The following LRRC4C variants were observed in gnomAD, a reference collection of about 807,000 sequenced individuals.
LRRC4C encodes the protein leucine rich repeat containing 4C, also known as leucine-rich repeat-containing protein 4C.
A neutral mutation model predicts 33.6 loss-of-function variants in LRRC4C; 5 were observed. That is an observed-to-expected ratio of 0.15 (90% CI 0.08 to 0.31). The LOEUF (loss-of-function observed/expected upper bound fraction) is 0.31, where lower values mean the gene tolerates loss of function less well. Among genes scored for constraint, LRRC4C ranks in the 10% least tolerant of loss-of-function variants. The pLI, the probability that LRRC4C is intolerant of heterozygous loss-of-function variation, is 1.00. For missense variants in LRRC4C, 560 were observed against 796.7 expected (o/e 0.70, Z 3.58); for synonymous variants, 329 against 302.0 (o/e 1.09, Z -0.93).
intron 3 of LRRC4C, among the ~76,000 whole-genome samples, chr11:40,585,892 T>C (rs1270932718): frequency 7.3e-6 from 1 of 136,634 alleles, no homozygotes; most frequent in Non-Finnish European, 1.6e-5. Context: ...TTTGGGTTGG[T>C]TCCAAGTCTT....
intron 2 of LRRC4C, among the ~76,000 whole-genome samples, chr11:40,770,354 A>C (rs1477953355): frequency 6.6e-6 from 1 of 152,148 alleles, no homozygotes; most frequent in Non-Finnish European, 1.5e-5. Flanking sequence ...TAATAACAGC[A>C]TGGGGGAACT....
intron 6 of LRRC4C, among the ~76,000 whole-genome samples, chr11:40,122,339 C>T (rs1171719424): frequency 1.3e-5 from 2 of 152,042 alleles, no homozygotes; most frequent in Non-Finnish European, 2.9e-5. Flanking sequence ...TGGTTTGCTA[C>T]ACCTATCAAC....
At chr11:40,710,214 A>T (rs1409346767) in intron 2 of LRRC4C, among the ~76,000 whole-genome samples, 1 of 152,176 alleles carries the variant, frequency 6.6e-6, no homozygotes, top group Non-Finnish European at 1.5e-5. Context: ...GTCATTCTCC[A>T]TCCTGCTTTG....
chr11:40,452,056 G>A (rs142719279), intron 3 of LRRC4C, among the ~76,000 whole-genome samples: 16 of 152,086 alleles, frequency 1.1e-4, no homozygotes, highest in Admixed American at 3.3e-4. Flanking sequence ...CAAGGAAAGC[G>A]GTGACAGACA....
chr11:40,305,854 C>T lies in LRRC4C; in HGVS notation c.-176+13774G>A, dbSNP rs75582462. On this transcript the variant is annotated intron_variant, in intron 4 of 6. Transcript: ENST00000528697. Reference sequence around the variant, plus strand: ...TGAAGTAATGCAGAAGAATAGTTAGCACAGTTGCTGGCATCCAATAAGCAC... The same window carrying T: ...TGAAGTAATGCAGAAGAATAGTTAGTACAGTTGCTGGCATCCAATAAGCAC... Among the ~76,000 whole-genome samples the T allele has an allele frequency of 2.9e-3, 435 of 152,296 alleles. 3 individuals carry two copies. Among genetic ancestry groups the T allele is most frequent in the African/African-American group, 1.0e-2 (414 of 41,560 alleles).
chr11:41,020,328 T>C (rs889454919), intron 1 of LRRC4C, among the ~76,000 whole-genome samples: 30 of 152,140 alleles, frequency 2.0e-4, no homozygotes, highest in Non-Finnish European at 5.9e-5. Flanking sequence ...AAAGCTAAGC[T>C]AAAGCACTAA....
intron 2 of LRRC4C, among the ~76,000 whole-genome samples, chr11:40,820,501 A>G (rs913411146): frequency 1.1e-4 from 17 of 152,050 alleles, no homozygotes; most frequent in African/African-American, 4.8e-5. Context: ...CATTACATTC[A>G]TTATAAAGTG....
At chr11:40,302,257 T>C (rs1944810904) in intron 4 of LRRC4C, among the ~76,000 whole-genome samples, 1 of 152,216 alleles carries the variant, frequency 6.6e-6, no homozygotes, top group African/African-American at 2.4e-5. Context: ...AAAGGATTTC[T>C]AGTGAAATTT....
chr11:40,564,021 C>T (rs1957657788), intron 3 of LRRC4C, among the ~76,000 whole-genome samples: 1 of 152,090 alleles, frequency 6.6e-6, no homozygotes. Context: ...AGATTACAAC[C>T]CAAAGAAGCT....
At chr11:41,079,354 T>C (rs1939390981) in intron 1 of LRRC4C, among the ~76,000 whole-genome samples, 1 of 152,152 alleles carries the variant, frequency 6.6e-6, no homozygotes, top group Non-Finnish European at 1.5e-5. Flanking sequence ...AAGGCATGAA[T>C]ACAAAAGTCC....
At chr11:40,909,315 T>A (rs1956563372) in intron 2 of LRRC4C, among the ~76,000 whole-genome samples, 1 of 152,080 alleles carries the variant, frequency 6.6e-6, no homozygotes, top group African/African-American at 2.4e-5. Flanking sequence ...TTGACTAAAT[T>A]TGCCCTAGTA....
chr11:40,661,316 G>A (rs1019912505), intron 2 of LRRC4C, among the ~76,000 whole-genome samples: 6 of 152,032 alleles, frequency 3.9e-5, no homozygotes, highest in African/African-American at 1.2e-4. Flanking sequence ...TTATATTATT[G>A]TATTTAGCTG....
chr11:40,450,264 T>C (rs1039608806), intron 3 of LRRC4C, among the ~76,000 whole-genome samples: 7 of 152,186 alleles, frequency 4.6e-5, no homozygotes, highest in African/African-American at 1.4e-4. Context: ...AAGTTATTGA[T>C]GTAAACAGAC....
intron 3 of LRRC4C, among the ~76,000 whole-genome samples, chr11:40,560,034 T>C (rs1304458721): frequency 6.6e-6 from 1 of 152,148 alleles, no homozygotes; most frequent in Non-Finnish European, 1.5e-5. Context: ...CTGAGTCACA[T>C]CCCCAGTTAA....
intron 4 of LRRC4C, among the ~76,000 whole-genome samples, chr11:40,274,414 G>GACACACACACACAC (rs758404396): frequency 4.3e-4 from 27 of 63,156 alleles, no homozygotes; most frequent in Admixed American, 6.4e-4. Flanking sequence ...CTGCGGAATA[G>GACACACACACACAC]ACACACACAT....
At chr11:40,322,742 G>A (rs960331452) in intron 3 of LRRC4C, among the ~76,000 whole-genome samples, 2 of 152,070 alleles carry the variant, frequency 1.3e-5, no homozygotes, top group Non-Finnish European at 2.9e-5. Context: ...ATAATGAGAG[G>A]TCCATCCCTT....
intron 5 of LRRC4C, among the ~76,000 whole-genome samples, chr11:40,196,352 C>G (rs1862260039): frequency 6.6e-6 from 1 of 152,176 alleles, no homozygotes; most frequent in South Asian, 2.1e-4. Context: ...GCCAGGTGAA[C>G]AGCAAAGGAA....
At chr11:40,338,891 A>G (rs1199492653) in intron 3 of LRRC4C, among the ~76,000 whole-genome samples, 2 of 152,230 alleles carry the variant, frequency 1.3e-5, no homozygotes, top group Non-Finnish European at 2.9e-5. Context: ...AGAAATTTAC[A>G]ATATAGCAGA....
At chr11:40,464,249 T>C (rs1952546236) in intron 3 of LRRC4C, among the ~76,000 whole-genome samples, 1 of 151,828 alleles carries the variant, frequency 6.6e-6, no homozygotes, top group South Asian at 2.1e-4. Flanking sequence ...TTTCAATAGA[T>C]GAGGAAAAAA....
Sources: allele counts gnomAD v4.1 joint callset (sites outside exome capture counted in the v4.1 genomes callset), GRCh38; gene constraint gnomAD v4.1.1; transcripts MANE v1.5; gene names NCBI Gene and HGNC (gene_info 2026-07-23, HGNC 2026-07-21).